Variants in NOS1 observed in about 807,000 individuals in gnomAD.
NOS1 encodes the protein NOS type I.
Under a neutral mutation model 164.5 loss-of-function variants are expected in NOS1, and 51 were observed. That is an observed-to-expected ratio of 0.31 (90% CI 0.25 to 0.39). The LOEUF (loss-of-function observed/expected upper bound fraction) is 0.39, where lower values mean the gene tolerates loss of function less well. Ranked by LOEUF, NOS1 falls within the 10% of genes least tolerant of loss-of-function variation. The pLI is 1.00. For missense variants in NOS1, 1,362 were observed against 1,885.6 expected, an observed-to-expected ratio of 0.72 and a Z score of 5.14; for synonymous variants, 719 against 745.8, an observed-to-expected ratio of 0.96 and a Z score of 0.59.
At chr12:117,298,021 G>A (rs1003599288) in intron 3 of NOS1, among the ~76,000 whole-genome samples, 1 of 152,002 alleles carries the variant, frequency 6.6e-6, no homozygotes, top group African/African-American at 2.4e-5. Flanking sequence ...ACTGGTGGTC[G>A]GGGGCATGTT....
In NOS1 at chr12:117,272,627, G is replaced by A; in HGVS notation, c.1665-68C>T. The stretch of plus-strand genomic sequence containing the variant: ...TCATGGGCGGGACAGCTTGAATCTA[G>A]AGATGCTGAAATGCCAAGGATGGAC... On this transcript the variant is annotated intron_variant, in intron 9 of 28. Transcript: ENST00000317775. The surrounding 1 kb of genome is among the most constrained non-coding windows in gnomAD (Gnocchi z 4.3). 6.8e-7 allele frequency: 1 copy of A among 1,468,436 alleles called. No homozygotes were observed. The highest frequency in any genetic ancestry group is 1.2e-5 in the South Asian group (1 of 80,536). 91.0% of individuals were successfully genotyped at this position (1,468,436 alleles called of 1,614,324 possible).
rs1173973931 is a variant in NOS1 at position 117,330,073 on chromosome 12, T to C, written c.725+272A>G. 1.3e-5 allele frequency among the ~76,000 whole-genome samples: 2 copies of C among 152,298 alleles called. No individual in the cohort carries two copies. The highest frequency in any genetic ancestry group is 2.4e-5 in the African/African-American group (1 of 41,552). On this transcript the variant is annotated intron_variant, in intron 2 of 28. Transcript: ENST00000317775. The surrounding 1 kb of genome is among the most constrained non-coding windows in gnomAD (Gnocchi z 4.6). Reference sequence around the variant, plus strand: ...CCTGGAGGATTATAGGGGATAAAGATGAGAAGACACACTGTCTGCTACCAT... The same window carrying C: ...CCTGGAGGATTATAGGGGATAAAGACGAGAAGACACACTGTCTGCTACCAT...
chr12:117,359,437 C>T (rs1200744059), intron 1 of NOS1, among the ~76,000 whole-genome samples: 1 of 152,322 alleles, frequency 6.6e-6, no homozygotes, highest in South Asian at 2.1e-4. Flanking sequence ...GAATTTCTTG[C>T]GTTTGCCCCG....
At chr12:117,335,610 T>C (rs1875769829) in intron 1 of NOS1, among the ~76,000 whole-genome samples, 1 of 152,070 alleles carries the variant, frequency 6.6e-6, no homozygotes, top group Non-Finnish European at 1.5e-5. Context: ...TGAACCTCAT[T>C]TCTGCAACAG....
chr12:117,220,548 A>G (rs1956686798), intron 26 of NOS1, among the ~76,000 whole-genome samples: 1 of 152,118 alleles, frequency 6.6e-6, no homozygotes, highest in Admixed American at 6.6e-5. Context: ...ACTGTTTCCC[A>G]GAATCATCCC....
chr12:117,242,832 C>A, intron 19 of NOS1, 127 bp from the exon 20 acceptor site: 1 of 778,178 alleles, frequency 1.3e-6, no homozygotes, highest in Non-Finnish European at 2.2e-6. Context: ...GGGAGGATCA[C>A]TTGAGGCCAG....
At chr12:117,217,976 C>T (rs755970084) in intron 28 of NOS1, 70 bp downstream of exon 28, 7 of 1,121,290 alleles carry the variant, frequency 6.2e-6, no homozygotes, top group Admixed American at 3.6e-5. Flanking sequence ...GAAAGCCAGA[C>T]ATTCCTGCCC....
chr12:117,361,043 T>C (rs1488772687), intron 1 of NOS1, among the ~76,000 whole-genome samples: 1 of 152,042 alleles, frequency 6.6e-6, no homozygotes, highest in Non-Finnish European at 1.5e-5. Flanking sequence ...AGCCCGAGCC[T>C]TCCGCGCACA....
chr12:117,358,885 C>T (rs1876983404), intron 1 of NOS1, among the ~76,000 whole-genome samples: 1 of 152,226 alleles, frequency 6.6e-6, no homozygotes, highest in Admixed American at 6.5e-5. Context: ...GCTGTGTGTG[C>T]TAAGGTTCAG....
chr12:117,255,942 T>A, intron 16 of NOS1: 1 of 1,494,782 alleles, frequency 6.7e-7, no homozygotes, highest in Non-Finnish European at 8.8e-7. Context: ...CTACCTGTGC[T>A]GGCTGTCACG....
In NOS1 at chr12:117,330,401, G is replaced by A. The variant is rs758246072; in HGVS notation, c.669C>T (p.Val223=). The A allele has an allele frequency of 1.2e-6, 2 of 1,613,730 alleles. No homozygotes were observed. Reference sequence around the variant, plus strand: ...CTGCCTTGGCAGGTGCCCCTCCCTTGACCCCTCTGCTCCCACTGGTGAGAA... The same window carrying A: ...CTGCCTTGGCAGGTGCCCCTCCCTTAACCCCTCTGCTCCCACTGGTGAGAA... ...LSLLTSGSRG[V]KGGAPAKAEM... Residue 223 remains valine (V), a synonymous_variant, in exon 2 of 29, where the codon GTC becomes GTT. Transcript: ENST00000317775. The surrounding 1 kb of genome is among the most constrained non-coding windows in gnomAD (Gnocchi z 4.6).
In NOS1 at chr12:117,208,659, C is replaced by T; in HGVS notation, c.*6650G>A. On this transcript the variant is annotated 3_prime_UTR_variant, in exon 29 of 29. Transcript: ENST00000317775. The stretch of plus-strand genomic sequence containing the variant: ...GCACTGGATCTCAGTGAGTCTTAAT[C>T]AGAACCAACACCAAGGACACAGTGT... The T allele has an allele frequency of 8.8e-7, 1 of 1,137,100 alleles. No homozygotes were observed. Among genetic ancestry groups the T allele is most frequent in the Non-Finnish European group, 1.1e-6 (1 of 914,704 alleles). The allele number at this position is 1,137,100 out of a possible 1,614,324, so 70.4% of individuals were successfully genotyped here.
In NOS1 at chr12:117,243,298, T is replaced by C. The variant is rs1442364633; in HGVS notation, c.2961A>G (p.Gln987=). 6.2e-7 allele frequency: 1 copy of C among 1,614,082 alleles called. No homozygotes were observed. The highest frequency in any genetic ancestry group is 8.5e-7 in the Non-Finnish European group (1 of 1,179,984). The change falls in exon 19 of 29, where the codon CAA becomes CAG. Residue 987 remains glutamine (Q), a splice_region_variant and synonymous_variant. Transcript: ENST00000317775. The surrounding 1 kb of genome is among the most constrained non-coding windows in gnomAD (Gnocchi z 4.3). ...TFVAEAPELT[Q]GLSNVHKKRV... The stretch of plus-strand genomic sequence containing the variant: ...CCCTGGAAGGGTGGTGGGAGGTACC[T>C]TGTGTGAGTTCTGGAGCTTCGGCCA...
intron 7 of NOS1, among the ~76,000 whole-genome samples, chr12:117,282,600 T>C (rs920556595): frequency 6.6e-6 from 1 of 152,136 alleles, no homozygotes; most frequent in Non-Finnish European, 1.5e-5. Flanking sequence ...CAACGTAGCA[T>C]GTAATTCTGC....
intron 18 of NOS1, 52 bp downstream of exon 18, chr12:117,247,296 G>C (rs1191209644): frequency 7.0e-7 from 1 of 1,431,444 alleles, no homozygotes. Context: ...TGCTGTCTTT[G>C]GGGGTGTGGG....
chr12:117,352,295 C>T (rs1876660549), intron 1 of NOS1, among the ~76,000 whole-genome samples: 1 of 152,184 alleles, frequency 6.6e-6, no homozygotes, highest in Non-Finnish European at 1.5e-5. Context: ...TGGGGGAAAG[C>T]TTGCTATCAC....
chr12:117,256,284 G>GTTGTGTTTTTTTTTTTTTTTTTTTTTT (rs549611283), intron 16 of NOS1, among the ~76,000 whole-genome samples: 1 of 118,488 alleles, frequency 8.4e-6, no homozygotes, highest in African/African-American at 3.8e-5. Flanking sequence ...GGGATTTTCT[G>GTTGTGTTTTTTTTTTTTTTTTTTTTTT]TTTTTTTTTT....
chr12:117,337,104 C>CTATTTTTTTTTTT (rs1566082153), intron 1 of NOS1, among the ~76,000 whole-genome samples: 5 of 94,074 alleles, frequency 5.3e-5, no homozygotes, highest in Non-Finnish European at 4.2e-5. Flanking sequence ...CTGCTTTTTA[C>CTATTTTTTTTTTT]TCTTTTTTTT....
intron 2 of NOS1, among the ~76,000 whole-genome samples, chr12:117,322,264 C>T (rs543260620): frequency 7.8e-6 from 1 of 127,474 alleles, no homozygotes; most frequent in South Asian, 3.2e-4. Context: ...CCCTCCTTTC[C>T]CTTCCTCTTT....
Sources: gnomAD v4.1 joint callset for allele counts (sites outside exome capture counted in the v4.1 genomes callset) on GRCh38, gnomAD v4.1.1 for gene constraint, Gnocchi (gnomAD v3.1) non-coding constraint, MANE v1.5 for transcripts, NCBI Gene and HGNC (gene_info 2026-07-23, HGNC 2026-07-21) for gene names.